The following KCNU1 variants were observed in gnomAD, a reference collection of about 807,000 sequenced individuals.
The protein encoded by KCNU1 is potassium channel subfamily U member 1.
KCNU1 carries 93 observed loss-of-function variants against 126.8 expected under a neutral mutation model. The ratio of observed to expected loss-of-function variants is 0.73; its 90% CI spans 0.62 to 0.87. The LOEUF (loss-of-function observed/expected upper bound fraction) is 0.87, where lower values mean the gene tolerates loss of function less well. Ranked by LOEUF, KCNU1 falls within the 40% of genes least tolerant of loss-of-function variation. The pLI, the probability that KCNU1 is intolerant of heterozygous loss-of-function variation, is 0.00. For missense variants in KCNU1, 1,330 were observed against 1,367.1 expected, an observed-to-expected ratio of 0.97 and a Z score of 0.43; for synonymous variants, 523 against 494.2, an observed-to-expected ratio of 1.06 and a Z score of -0.77.
chr8:36,802,148 A>G (rs905086796), intron 2 of KCNU1, among the ~76,000 whole-genome samples: 1 of 150,506 alleles, frequency 6.6e-6, no homozygotes, highest in African/African-American at 2.4e-5. Context: ...TTACGATAAG[A>G]GCTGAGACCC....
rs373193777 is a variant in KCNU1 at position 36,845,801 on chromosome 8, G to A, written c.1794-1G>A. 118 of 1,603,360 alleles carry A rather than the reference G, an allele frequency of 7.4e-5. No individual in the cohort carries two copies. Among genetic ancestry groups the A allele is most frequent in the Non-Finnish European group, 9.1e-5 (107 of 1,171,540 alleles). On this transcript the variant is annotated splice_acceptor_variant, in intron 17 of 26. Transcript: ENST00000399881. LOFTEE classifies it high-confidence loss of function. ...ATTCTTGGTTTTCTTTCATTGTCCA[G>A]AGCCTTGTTTTACTGTTCAGTCTGT...
intron 18 of KCNU1, among the ~76,000 whole-genome samples, chr8:36,857,709 G>A (rs971935522): frequency 1.3e-5 from 2 of 151,970 alleles, no homozygotes; most frequent in African/African-American, 4.8e-5. Flanking sequence ...GGAATGGCTT[G>A]ATCTTGGCTC....
At position 36,784,521 on chromosome 8, in the gene KCNU1, T is replaced by C. The variant is rs753042833; in HGVS notation, c.111T>C (p.Ser37=). The part of the protein sequence containing the change: ...FILSSFVTFF[S]GLIILLIFRL... The stretch of plus-strand genomic sequence containing the variant: ...TCTCTTCCTTTGTGACCTTCTTCAG[T>C]GGACTCATCATCCTGTTGATCTTCA... Residue 37 remains serine (S), a synonymous_variant, in exon 1 of 27, where the codon AGT becomes AGC. Coordinates refer to ENST00000399881, the MANE Select transcript of KCNU1 (RefSeq NM_001031836.3). The C allele has an allele frequency of 1.2e-6, 2 of 1,613,920 alleles. No homozygotes were observed. The highest frequency in any genetic ancestry group is 2.2e-5 in the South Asian group (2 of 91,078).
chr8:36,806,941 T>C (rs111508714), intron 5 of KCNU1, among the ~76,000 whole-genome samples: 1 of 152,142 alleles, frequency 6.6e-6, no homozygotes, highest in Non-Finnish European at 1.5e-5. Flanking sequence ...CATACAAACA[T>C]TGTGAAGCAT....
At chr8:36,896,668 G>A (rs532002655) in intron 19 of KCNU1, among the ~76,000 whole-genome samples, 184 of 152,154 alleles carry the variant, frequency 1.2e-3, no homozygotes, top group African/African-American at 4.3e-3. Context: ...TTCCTTTGAG[G>A]TGATCAAATA....
At chr8:36,902,608 T>C (rs1003008623) in intron 19 of KCNU1, among the ~76,000 whole-genome samples, 5 of 152,246 alleles carry the variant, frequency 3.3e-5, no homozygotes, top group East Asian at 1.9e-4. Flanking sequence ...GGTCATGATA[T>C]GTAAACACAT....
chr8:36,872,733 AGCTTTCT>A (rs1187458424), intron 19 of KCNU1, among the ~76,000 whole-genome samples: 1 of 152,222 alleles, frequency 6.6e-6, no homozygotes, highest in African/African-American at 2.4e-5. Flanking sequence ...ACCACAAAGC[AGCTTTCT>A]GCTAATATTA....
chr8:36,791,977 C>T (rs1310107668), intron 2 of KCNU1, among the ~76,000 whole-genome samples: 6 of 152,106 alleles, frequency 3.9e-5, no homozygotes, highest in Middle Eastern at 3.4e-3. Flanking sequence ...GTTTAGAGAT[C>T]GTTATCCTAC....
intron 6 of KCNU1, 136 bp downstream of exon 6, chr8:36,807,586 A>G: frequency 1.5e-6 from 1 of 685,370 alleles, no homozygotes; most frequent in South Asian, 1.7e-5. Context: ...AGCTGCCAAA[A>G]TATTATTTGT....
At chr8:36,847,770 A>C (rs1441042690) in intron 18 of KCNU1, among the ~76,000 whole-genome samples, 2 of 152,210 alleles carry the variant, frequency 1.3e-5, no homozygotes, top group African/African-American at 2.4e-5. Flanking sequence ...ATAGTCCTAC[A>C]ATAAACATGG....
chr8:36,861,024 A>G (rs1030290035), intron 18 of KCNU1, among the ~76,000 whole-genome samples: 14 of 151,930 alleles, frequency 9.2e-5, no homozygotes, highest in African/African-American at 3.4e-4. Context: ...GTAGAGATTT[A>G]CCTACCCTAA....
intron 2 of KCNU1, among the ~76,000 whole-genome samples, chr8:36,792,378 G>A (rs970837433): frequency 3.9e-5 from 6 of 152,134 alleles, no homozygotes; most frequent in African/African-American, 7.2e-5. Context: ...TGTATGGCTC[G>A]TGAAGCCAGT....
intron 19 of KCNU1, among the ~76,000 whole-genome samples, chr8:36,889,735 C>G (rs975852882): frequency 3.3e-5 from 5 of 152,058 alleles, no homozygotes; most frequent in African/African-American, 1.2e-4. Context: ...TGAGACCTTT[C>G]TAAAATTAAT....
intron 10 of KCNU1, among the ~76,000 whole-genome samples, chr8:36,825,826 G>T (rs893118906): frequency 4.6e-5 from 7 of 151,722 alleles, no homozygotes; most frequent in South Asian, 4.2e-4. Flanking sequence ...GTTACAAGCT[G>T]GCAGTTTATT....
At chr8:36,900,397 A>C (rs763254072) in intron 19 of KCNU1, among the ~76,000 whole-genome samples, 3 of 149,050 alleles carry the variant, frequency 2.0e-5, no homozygotes, top group Non-Finnish European at 4.5e-5. Flanking sequence ...CTCATAAAGA[A>C]TAAACAGCAA....
Position 36,918,816 on chromosome 8 carries a change from T to C in KCNU1, c.2522-7T>C. 6.3e-7 allele frequency: 1 copy of C among 1,577,998 alleles called. No homozygotes were observed. Among genetic ancestry groups the C allele is most frequent in the Non-Finnish European group, 8.7e-7 (1 of 1,148,108 alleles). ...TTTGCATTTATCACCTCTTTTCTTC[T>C]TTGCAGAGGAGACTCCAGGTTACAC... On this transcript the variant is annotated splice_polypyrimidine_tract_variant and splice_region_variant and intron_variant, in intron 22 of 26. Transcript: ENST00000399881.
chr8:36,930,850 A>T (rs1585581732), intron 24 of KCNU1, 101 bp from the exon 25 acceptor site: 2 of 709,698 alleles, frequency 2.8e-6, no homozygotes, highest in South Asian at 2.1e-5. Flanking sequence ...CATCAGGTCC[A>T]TGTTAAACAG....
chr8:36,841,361 T>G (rs1391808423), intron 16 of KCNU1, among the ~76,000 whole-genome samples: 1 of 152,190 alleles, frequency 6.6e-6, no homozygotes, highest in African/African-American at 2.4e-5. Flanking sequence ...TTGAATCATT[T>G]GTGATAAAAA....
chr8:36,787,227 G>A lies in KCNU1; in HGVS notation c.196-79G>A, dbSNP rs536744879. 1.2e-5 allele frequency: 15 copies of A among 1,300,104 alleles called. 1 individual carries two copies. Among genetic ancestry groups the A allele is most frequent in the Middle Eastern group, 1.9e-4 (1 of 5,180 alleles). The allele number at this position is 1,300,104 out of a possible 1,614,324, so 80.5% of individuals were successfully genotyped here. A position where few individuals can be genotyped will look rare whatever the true frequency, so the allele number is the denominator to read the frequency against. ...ATTTTCGACTGATACCATCACAAGA[G>A]GCTCCATCAACGTAAGTAGAACAGA... On this transcript the variant is annotated intron_variant, in intron 1 of 26. Transcript: ENST00000399881.
Sources: gnomAD v4.1 joint callset for allele counts (sites outside exome capture counted in the v4.1 genomes callset) on GRCh38, gnomAD v4.1.1 for gene constraint, MANE v1.5 for transcripts, NCBI Gene and HGNC (gene_info 2026-07-23, HGNC 2026-07-21) for gene names.